Variants in ACOXL observed in about 807,000 individuals in gnomAD.
The protein encoded by ACOXL is acyl-coenzyme A oxidase-like protein.
In ACOXL, 70 loss-of-function variants were observed where a neutral mutation model predicts 71.9. The observed-to-expected ratio is 0.97, with a 90% CI of 0.80 to 1.19. The LOEUF (loss-of-function observed/expected upper bound fraction) is 1.19. Among genes scored for constraint, ACOXL ranks in the 50% most tolerant of loss-of-function variants. The probability of loss-of-function intolerance (pLI) is 0.00; values close to 1 mark genes in which losing one functional copy is unlikely to be tolerated. For missense variants in ACOXL, 703 were observed against 736.3 expected, an observed-to-expected ratio of 0.95 and a Z score of 0.52; for synonymous variants, 253 against 281.6, an observed-to-expected ratio of 0.90 and a Z score of 1.02.
chr2:110,958,134 CGCACACACACAT>C (rs2061570834), intron 12 of ACOXL, among the ~76,000 whole-genome samples: 1 of 151,936 alleles, frequency 6.6e-6, no homozygotes, highest in African/African-American at 2.4e-5. Flanking sequence ...TGCATACACA[CGCACACACACAT>C]GCACACACAC....
At chr2:110,739,550 C>T (rs1428399494) in intron 1 of ACOXL, among the ~76,000 whole-genome samples, 1 of 152,242 alleles carries the variant, frequency 6.6e-6, no homozygotes, top group Non-Finnish European at 1.5e-5. Context: ...TGGCTGCACC[C>T]TGTGCATTGG....
At chr2:111,079,255 C>G (rs1012143226) in intron 16 of ACOXL, among the ~76,000 whole-genome samples, 8 of 152,142 alleles carry the variant, frequency 5.3e-5, no homozygotes, top group African/African-American at 1.9e-4. Context: ...TCTATCCCCC[C>G]AGCCTCTCGA....
At chr2:111,087,175 C>T (rs1466327892) in intron 16 of ACOXL, among the ~76,000 whole-genome samples, 2 of 152,142 alleles carry the variant, frequency 1.3e-5, no homozygotes, top group African/African-American at 4.8e-5. Flanking sequence ...AATGGAAAAA[C>T]ATTCCATGCT....
rs112502730 is a variant in ACOXL, at chr2:110,881,891, G to GTTT, written c.789-26890_789-26888dup. 3.2e-3 allele frequency among the ~76,000 whole-genome samples: 473 copies of GTTT among 149,510 alleles called. 2 individuals carry two copies. Among genetic ancestry groups the GTTT allele is most frequent in the South Asian group, 0.015 (72 of 4,754 alleles). On this transcript the variant is annotated intron_variant, in intron 10 of 17. Transcript: ENST00000439055. ...TACCCCTTTACCTGAGGGACATTGG[G>GTTT]TTTTTTTTTTATTGGGGAGCTGTTT...
intron 14 of ACOXL, 47 bp downstream of exon 14, chr2:110,996,051 G>A (rs2149593235): frequency 1.4e-6 from 2 of 1,447,160 alleles, no homozygotes; most frequent in Non-Finnish European, 1.9e-6. Flanking sequence ...TGTGTTTAAG[G>A]GATATCCTTG....
chr2:110,764,551 C>T (rs1355159238), intron 1 of ACOXL, among the ~76,000 whole-genome samples: 2 of 152,096 alleles, frequency 1.3e-5, no homozygotes, highest in Admixed American at 6.6e-5. Flanking sequence ...GAAGCTACTC[C>T]GTATGATACT....
chr2:110,918,274 T>C (rs1055610040), intron 11 of ACOXL, among the ~76,000 whole-genome samples: 7 of 152,188 alleles, frequency 4.6e-5, no homozygotes, highest in African/African-American at 1.7e-4. Context: ...AGTCATCTGA[T>C]CTTTGACAAA....
At chr2:110,939,399 G>T (rs769000405) in intron 12 of ACOXL, among the ~76,000 whole-genome samples, 6 of 152,134 alleles carry the variant, frequency 3.9e-5, no homozygotes, top group Non-Finnish European at 5.9e-5. Flanking sequence ...TGTGCAGTGG[G>T]TGTGTGTATT....
intron 9 of ACOXL, among the ~76,000 whole-genome samples, chr2:110,810,261 C>G (rs1437202091): frequency 6.6e-6 from 1 of 152,212 alleles, no homozygotes; most frequent in Non-Finnish European, 1.5e-5. Flanking sequence ...TTATTGTCTT[C>G]TGGAATCACT....
chr2:110,841,256 A>G, intron 9 of ACOXL, 115 bp from the exon 10 acceptor site: 2 of 706,132 alleles, frequency 2.8e-6, no homozygotes, highest in Non-Finnish European at 4.9e-6. Flanking sequence ...CATTAGCTGT[A>G]GGGCATTTTA....
intron 12 of ACOXL, among the ~76,000 whole-genome samples, chr2:110,969,434 C>CA (rs1199877720): frequency 6.6e-6 from 1 of 152,096 alleles, no homozygotes; most frequent in Non-Finnish European, 1.5e-5. Context: ...GCAAGATTGA[C>CA]AAAGTTAAAA....
intron 9 of ACOXL, among the ~76,000 whole-genome samples, chr2:110,827,226 C>T (rs935228962): frequency 2.6e-5 from 4 of 152,196 alleles, no homozygotes; most frequent in Non-Finnish European, 4.4e-5. Flanking sequence ...TATACACAGG[C>T]ACTGACACCC....
rs12617762 is a variant in ACOXL, at chr2:110,864,967, G to A, written c.788+23562G>A. On this transcript the variant is annotated intron_variant, in intron 10 of 17. Transcript: ENST00000439055. ...AGCAAGTGGGTTGATGTGCAGGTGG[G>A]GACCCGGGACAGTTGGGGCATGGGA... Among the ~76,000 whole-genome samples, 291 of 152,308 alleles carry A rather than the reference G, an allele frequency of 1.9e-3. 13 individuals are homozygous for A. In the East Asian group the frequency reaches 0.043, roughly 22 times the overall value.
chr2:110,849,432 T>C (rs1021964934), intron 10 of ACOXL, among the ~76,000 whole-genome samples: 8 of 152,294 alleles, frequency 5.3e-5, no homozygotes, highest in South Asian at 4.1e-4. Context: ...GTGTAGAAAT[T>C]GGCAAGATAA....
intron 10 of ACOXL, among the ~76,000 whole-genome samples, chr2:110,844,704 C>T (rs1000070769): frequency 6.6e-6 from 1 of 152,032 alleles, no homozygotes; most frequent in Non-Finnish European, 1.5e-5. Context: ...CCTGCCATCA[C>T]GCCCAGCTAA....
At chr2:110,764,147 G>T (rs902265390) in intron 1 of ACOXL, among the ~76,000 whole-genome samples, 3 of 152,154 alleles carry the variant, frequency 2.0e-5, no homozygotes, top group Non-Finnish European at 4.4e-5. Context: ...TGGTCCAGTA[G>T]TCATTTTCCT....
At chr2:110,941,786 C>T (rs2060878531) in intron 12 of ACOXL, among the ~76,000 whole-genome samples, 1 of 152,074 alleles carries the variant, frequency 6.6e-6, no homozygotes, top group East Asian at 1.9e-4. Flanking sequence ...GATAATTCAT[C>T]ACCAACAGAT....
intron 10 of ACOXL, chr2:110,887,921 T>A (rs1025005065): frequency 1.3e-5 from 2 of 152,176 alleles, no homozygotes; most frequent in Admixed American, 6.5e-5. Context: ...TCTGTTTACC[T>A]CTCCTGTAGG....
chr2:110,927,319 G>A (rs1296311472), intron 11 of ACOXL, among the ~76,000 whole-genome samples: 3 of 152,116 alleles, frequency 2.0e-5, no homozygotes, highest in Admixed American at 2.0e-4. Flanking sequence ...TTTGGGTGGG[G>A]ACACTGAGCC....
Sources: allele counts gnomAD v4.1 joint callset (sites outside exome capture counted in the v4.1 genomes callset), GRCh38; gene constraint gnomAD v4.1.1; transcripts MANE v1.5; gene names NCBI Gene and HGNC (gene_info 2026-07-23, HGNC 2026-07-21).